Variants in SLC39A11 observed in about 807,000 individuals in gnomAD.
The protein encoded by SLC39A11 is zinc transporter ZIP11.
Under a neutral mutation model 36.1 loss-of-function variants are expected in SLC39A11, and 33 were observed. The observed-to-expected ratio is 0.91, with a 90% confidence interval of 0.69 to 1.22. The LOEUF (loss-of-function observed/expected upper bound fraction) is 1.22, where lower values mean the gene tolerates loss of function less well. Ranked by LOEUF, SLC39A11 falls within the 50% of genes most tolerant of loss-of-function variation. The probability of loss-of-function intolerance (pLI) is 0.00; values close to 1 mark genes in which losing one functional copy is unlikely to be tolerated. For missense variants in SLC39A11, 432 were observed against 430.3 expected, an observed-to-expected ratio of 1.00 and a Z score of -0.03; for synonymous variants, 166 against 170.3, an observed-to-expected ratio of 0.97 and a Z score of 0.20.
At chr17:72,664,331 C>T (rs906886032) in intron 7 of SLC39A11, among the ~76,000 whole-genome samples, 36 of 152,290 alleles carry the variant, frequency 2.4e-4, no homozygotes, top group African/African-American at 6.3e-4. Flanking sequence ...GATGCCAAGC[C>T]CTCTTCCATA....
chr17:72,712,755 T>C (rs1345060123), intron 7 of SLC39A11: 2 of 152,170 alleles, frequency 1.3e-5, no homozygotes, highest in Non-Finnish European at 2.9e-5. Flanking sequence ...TTCATGTATT[T>C]TACTAGACAA....
intron 5 of SLC39A11, among the ~76,000 whole-genome samples, chr17:72,945,311 G>A (rs965904087): frequency 2.6e-5 from 4 of 152,156 alleles, no homozygotes; most frequent in Admixed American, 2.6e-4. Context: ...TCTTCCTCTG[G>A]TCGAACCAAT....
At chr17:72,809,004 T>G (rs920921248) in intron 6 of SLC39A11, among the ~76,000 whole-genome samples, 1 of 152,214 alleles carries the variant, frequency 6.6e-6, no homozygotes, top group Non-Finnish European at 1.5e-5. Flanking sequence ...CTTTCTCTAC[T>G]GAAACAACAT....
chr17:72,968,693 G>C (rs996849017), intron 4 of SLC39A11, among the ~76,000 whole-genome samples: 1 of 152,082 alleles, frequency 6.6e-6, no homozygotes, highest in Non-Finnish European at 1.5e-5. Flanking sequence ...AAAGGACAGA[G>C]GAAAAAAGCG....
At chr17:72,969,271 C>T (rs1193600468) in intron 4 of SLC39A11, among the ~76,000 whole-genome samples, 1 of 152,040 alleles carries the variant, frequency 6.6e-6, no homozygotes, top group Non-Finnish European at 1.5e-5. Context: ...CACCGAGCGC[C>T]CACCAGAGGA....
chr17:72,854,971 G>A (rs980664989), intron 5 of SLC39A11, among the ~76,000 whole-genome samples: 10 of 152,116 alleles, frequency 6.6e-5, no homozygotes, highest in Non-Finnish European at 1.5e-4. Flanking sequence ...CGGGTCTTGC[G>A]GGCACAAGCC....
At chr17:72,770,046 C>A (rs894463052) in intron 6 of SLC39A11, among the ~76,000 whole-genome samples, 3 of 152,136 alleles carry the variant, frequency 2.0e-5, no homozygotes, top group Non-Finnish European at 4.4e-5. Context: ...TGTATAAAAC[C>A]AAACTGTGCC....
intron 6 of SLC39A11, among the ~76,000 whole-genome samples, chr17:72,756,872 G>A (rs1353286807): frequency 2.0e-5 from 3 of 152,024 alleles, no homozygotes; most frequent in African/African-American, 4.8e-5. Flanking sequence ...TGCAATGGCC[G>A]GGTGCAATGG....
At chr17:72,996,832 G>A (rs1208581064) in intron 4 of SLC39A11, among the ~76,000 whole-genome samples, 3 of 152,124 alleles carry the variant, frequency 2.0e-5, no homozygotes, top group African/African-American at 7.2e-5. Context: ...CATGTGACTT[G>A]CTTAGCCAGT....
At position 72,754,063 on chromosome 17, in the gene SLC39A11, C is replaced by T. The variant is rs1315984922; in HGVS notation, c.602-17344G>A. ...ATATATATACACATACACACACACACACACACACACACACACACACACACA... is the reference window on the plus strand; with the variant it reads ...ATATATATACACATACACACACACATACACACACACACACACACACACACA... On this transcript the variant is annotated intron_variant, in intron 6 of 9. Coordinates refer to ENST00000255559, the MANE Select transcript of SLC39A11 (RefSeq NM_139177.4). Among the ~76,000 whole-genome samples, 141 of 144,440 alleles carry T rather than the reference C, an allele frequency of 9.8e-4. 2 individuals are homozygous for T. Among genetic ancestry groups the T allele is most frequent in the African/African-American group, 3.5e-3 (135 of 38,824 alleles). 94.8% of individuals were successfully genotyped at this position (144,440 alleles called of 152,430 possible).
intron 3 of SLC39A11, among the ~76,000 whole-genome samples, chr17:73,065,844 C>T (rs2059982623): frequency 6.6e-6 from 1 of 152,168 alleles, no homozygotes; most frequent in Admixed American, 6.5e-5. Context: ...ACTTAGAAAG[C>T]CAGCATTTCT....
At chr17:72,962,388 G>A (rs1262964334) in intron 4 of SLC39A11, among the ~76,000 whole-genome samples, 1 of 152,176 alleles carries the variant, frequency 6.6e-6, no homozygotes, top group African/African-American at 2.4e-5. Context: ...TCTCCTCTGA[G>A]GCTCAGGGTC....
intron 6 of SLC39A11, among the ~76,000 whole-genome samples, chr17:72,744,164 T>A (rs534768619): frequency 6.6e-6 from 1 of 152,294 alleles, no homozygotes; most frequent in East Asian, 1.9e-4. Flanking sequence ...TTAAGGTTCT[T>A]GCAAAAATGA....
chr17:72,910,556 G>A (rs763440060), intron 5 of SLC39A11, among the ~76,000 whole-genome samples: 2 of 143,374 alleles, frequency 1.4e-5, no homozygotes, highest in Non-Finnish European at 3.0e-5. Context: ...CCTGGGAGAT[G>A]GAAGTTGCAG....
chr17:72,845,132 C>T (rs1414026933), intron 6 of SLC39A11, among the ~76,000 whole-genome samples: 1 of 152,218 alleles, frequency 6.6e-6, no homozygotes, highest in Non-Finnish European at 1.5e-5. Context: ...CCATCCTTAC[C>T]TCTCCTAAGT....
chr17:72,807,662 A>C (rs2077305174), intron 6 of SLC39A11, among the ~76,000 whole-genome samples: 1 of 152,146 alleles, frequency 6.6e-6, no homozygotes, highest in Admixed American at 6.5e-5. Context: ...GGTGCTTGGA[A>C]GGGCAGTGGG....
intron 7 of SLC39A11, among the ~76,000 whole-genome samples, chr17:72,680,041 CAAAAAAAAAAAAA>C (rs199650969): frequency 4.2e-5 from 3 of 71,698 alleles, no homozygotes; most frequent in Admixed American, 1.5e-4. Flanking sequence ...GACTCTGTCT[CAAAAAAAAAAAAA>C]AAAAAAAAAA....
chr17:73,062,023 G>A (rs1403373740), intron 3 of SLC39A11, among the ~76,000 whole-genome samples: 1 of 151,918 alleles, frequency 6.6e-6, no homozygotes, highest in Non-Finnish European at 1.5e-5. Flanking sequence ...AAAATCCTCT[G>A]TTCCATGACT....
intron 5 of SLC39A11, among the ~76,000 whole-genome samples, chr17:72,896,192 CTTTTTTTTTTTTTTTTTT>C (rs771180987): frequency 2.7e-5 from 2 of 74,554 alleles, no homozygotes; most frequent in African/African-American, 6.1e-5. Context: ...CACATTAATC[CTTTTTTTTTTTTTTTTTT>C]TTTTTTTTTG....
Sources: allele counts gnomAD v4.1 joint callset (sites outside exome capture counted in the v4.1 genomes callset), GRCh38; gene constraint gnomAD v4.1.1; transcripts MANE v1.5; gene names NCBI Gene and HGNC (gene_info 2026-07-23, HGNC 2026-07-21).